TIMELESS: variants seen among roughly 807,000 people sequenced by gnomAD.
TIMELESS encodes protein timeless homolog.
A neutral mutation model predicts 164.3 loss-of-function variants in TIMELESS; 124 were observed. The observed-to-expected ratio is 0.75, with a 90% CI of 0.65 to 0.88. TIMELESS has a LOEUF of 0.88. Among genes scored for constraint, TIMELESS ranks in the 40% least tolerant of loss-of-function variants. The pLI, the probability that TIMELESS is intolerant of heterozygous loss-of-function variation, is 0.00. For synonymous variants in TIMELESS, 564 were observed against 563.4 expected (o/e 1.00, Z -0.02); for missense variants, 1,422 against 1,491.4 (o/e 0.95, Z 0.77).
chr12:56,436,045 A>G (rs1207024195), intron 1 of TIMELESS, among the ~76,000 whole-genome samples: 1 of 152,180 alleles, frequency 6.6e-6, no homozygotes, highest in African/African-American at 2.4e-5. Context: ...GTCCTTTAAA[A>G]TCCATAATCA....
chr12:56,426,713 C>A (rs567564824), intron 13 of TIMELESS, among the ~76,000 whole-genome samples: 2 of 152,190 alleles, frequency 1.3e-5, no homozygotes, highest in South Asian at 2.1e-4. Context: ...GTGCGCATGA[C>A]CATGCCTGGC....
At chr12:56,426,817 C>A (rs890676408) in intron 13 of TIMELESS, among the ~76,000 whole-genome samples, 23 of 152,186 alleles carry the variant, frequency 1.5e-4, no homozygotes, top group African/African-American at 5.5e-4. Context: ...GCCTCAGCCT[C>A]CCAAAGTGCT....
chr12:56,422,249 A>G, intron 19 of TIMELESS, 58 bp from the exon 20 acceptor site: 1 of 1,478,794 alleles, frequency 6.8e-7, no homozygotes, highest in Non-Finnish European at 9.4e-7. Context: ...AGAGGAGACC[A>G]AAGGCCTTCT....
intron 1 of TIMELESS, among the ~76,000 whole-genome samples, chr12:56,440,468 A>G (rs1183933217): frequency 6.6e-6 from 1 of 152,030 alleles, no homozygotes; most frequent in East Asian, 1.9e-4. Flanking sequence ...ACGAAACAAA[A>G]CACTCTACCT....
In TIMELESS at chr12:56,434,871, G is replaced by A. The variant is rs985498144; in HGVS notation, c.-61-640C>T. 2.6e-5 allele frequency among the ~76,000 whole-genome samples: 4 copies of A among 152,168 alleles called. 1 individual carries two copies. The highest frequency in any genetic ancestry group is 4.1e-4 in the South Asian group (2 of 4,828). ...TCAAGATTAGCCTGGGCAACATTGTGAGACCCCATCTGTACAAAAAGCCAA... is the reference window on the plus strand; with the variant it reads ...TCAAGATTAGCCTGGGCAACATTGTAAGACCCCATCTGTACAAAAAGCCAA... On this transcript the variant is annotated intron_variant, in intron 1 of 28. Coordinates refer to ENST00000553532, the MANE Select transcript of TIMELESS (RefSeq NM_003920.5).
Position 56,423,580 on chromosome 12 carries a change from G to A in TIMELESS, c.2090+4C>T, listed in dbSNP as rs1392933006. ...AGGACCAACTCAGGCCTCTCAGCCC[G>A]CACCGTTTCAGGTAGTCCAGAAAAT... On this transcript the variant is annotated splice_donor_region_variant and intron_variant, in intron 17 of 28. Transcript: ENST00000553532. 5.6e-6 allele frequency: 9 copies of A among 1,613,816 alleles called. No individual in the cohort carries two copies. The highest frequency in any genetic ancestry group is 5.3e-5 in the African/African-American group (4 of 74,894).
At chr12:56,427,458 A>G (rs1372567495) in intron 13 of TIMELESS, among the ~76,000 whole-genome samples, 4 of 152,196 alleles carry the variant, frequency 2.6e-5, no homozygotes, top group South Asian at 2.1e-4. Flanking sequence ...CTTTGGGTTC[A>G]TGGACAACTG....
intron 15 of TIMELESS, among the ~76,000 whole-genome samples, chr12:56,424,546 C>T (rs563868021): frequency 7.9e-5 from 12 of 152,154 alleles, no homozygotes; most frequent in Admixed American, 7.9e-4. Context: ...TGAGGATTTG[C>T]TTTCTTTATT....
chr12:56,439,712 TA>T (rs1868250636), intron 1 of TIMELESS, among the ~76,000 whole-genome samples: 1 of 152,152 alleles, frequency 6.6e-6, no homozygotes, highest in Non-Finnish European at 1.5e-5. Flanking sequence ...TTGTACACTT[TA>T]AAAGGGTGAA....
At chr12:56,445,938 C>T (rs952627476) in intron 1 of TIMELESS, among the ~76,000 whole-genome samples, 1 of 152,118 alleles carries the variant, frequency 6.6e-6, no homozygotes, top group Non-Finnish European at 1.5e-5. Flanking sequence ...GAGGGTCTCA[C>T]TTTGTCACCC....
chr12:56,417,080 G>A lies in TIMELESS; in HGVS notation c.*636C>T, dbSNP rs1354025970. 2 of 152,650 alleles carry A rather than the reference G, an allele frequency of 1.3e-5. No individual in the cohort carries two copies. The highest frequency in any genetic ancestry group is 2.4e-5 in the African/African-American group (1 of 41,420). The allele number at this position is 152,650 out of a possible 1,614,324, so 9.5% of individuals were successfully genotyped here. A position where few individuals can be genotyped will look rare whatever the true frequency, so the allele number is the denominator to read the frequency against. On this transcript the variant is annotated 3_prime_UTR_variant, in exon 29 of 29. Coordinates refer to ENST00000553532, the MANE Select transcript of TIMELESS (RefSeq NM_003920.5). The stretch of plus-strand genomic sequence containing the variant: ...TTCTTCTTTCAAGAGCACAGCAGGG[G>A]AAGGGCTGGGGAACTTAGACATATC...
intron 26 of TIMELESS, 50 bp downstream of exon 26, chr12:56,420,519 T>C: frequency 1.4e-6 from 2 of 1,480,788 alleles, no homozygotes; most frequent in South Asian, 1.1e-5. Flanking sequence ...GAGATGTATT[T>C]GGAAATAGGA....
At chr12:56,428,776 G>T (rs541175090) in intron 11 of TIMELESS, 107 bp downstream of exon 11, 68 of 1,473,664 alleles carry the variant, frequency 4.6e-5, no homozygotes, top group Non-Finnish European at 6.2e-5. Context: ...GCCAGTCCTT[G>T]CTCCCCAGAC....
intron 26 of TIMELESS, among the ~76,000 whole-genome samples, chr12:56,419,032 C>G (rs915780300): frequency 1.8e-4 from 26 of 145,284 alleles, no homozygotes; most frequent in Non-Finnish European, 3.0e-4. Context: ...CAGAGTCTCA[C>G]TCTGTTGCCC....
rs769688037 is a variant in TIMELESS, at chr12:56,423,695, G to C, written c.1979C>G (p.Pro660Arg). The C allele has an allele frequency of 1.2e-6, 2 of 1,613,916 alleles. No individual in the cohort carries two copies. The highest frequency in any genetic ancestry group is 3.3e-5 in the Admixed American group (2 of 59,980). The stretch of plus-strand genomic sequence containing the variant: ...TTCTTCCTCTGCCCCACGTTCCTCT[G>C]GGCCCTGCTGCCCTATAGACAGAGG... The part of the protein sequence containing the change: ...LSAPLPRQQG[P>R]EERGAEEEEE... Residue 660 changes from proline (P) to arginine (R), a missense_variant, in exon 17 of 29, where the codon CCA becomes CGA. By Grantham distance (103) the Pro-to-Arg change is moderately radical. Coordinates refer to ENST00000553532, the MANE Select transcript of TIMELESS (RefSeq NM_003920.5).
intron 9 of TIMELESS, 120 bp downstream of exon 9, chr12:56,430,761 C>G: frequency 1.6e-6 from 1 of 612,848 alleles, no homozygotes; most frequent in Non-Finnish European, 2.8e-6. Context: ...GCCTCAGCCT[C>G]CCAAAGTGCT....
chr12:56,430,086 A>C lies in TIMELESS; in HGVS notation c.1086+19T>G. The C allele has an allele frequency of 2.5e-6, 4 of 1,594,898 alleles. No individual in the cohort carries two copies. The highest frequency in any genetic ancestry group is 3.4e-6 in the Non-Finnish European group (4 of 1,170,712). On this transcript the variant is annotated intron_variant, in intron 10 of 28. Coordinates refer to ENST00000553532, the MANE Select transcript of TIMELESS (RefSeq NM_003920.5). ...CTATTCCATTCCTGATTATCTCCAT[A>C]TCCTTCACAGGTTCTCACCTTTACT...
chr12:56,427,582 C>T lies in TIMELESS; in HGVS notation c.1578+654G>A, dbSNP rs115291066. On this transcript the variant is annotated intron_variant, in intron 13 of 28. Transcript: ENST00000553532. ...TTTCTAAAGTTCAATTTAAGGCTCT[C>T]TTTGTGTTGCTGTTGAGACAGAGTC... Among the ~76,000 whole-genome samples, 1,309 of 151,928 alleles carry T rather than the reference C, an allele frequency of 8.6e-3. 12 individuals are homozygous for T. The highest frequency in any genetic ancestry group is 0.028 in the African/African-American group (1,155 of 41,456).
At chr12:56,434,874 A>AC (rs1478639287) in intron 1 of TIMELESS, among the ~76,000 whole-genome samples, 2 of 152,094 alleles carry the variant, frequency 1.3e-5, no homozygotes, top group East Asian at 3.9e-4. Flanking sequence ...ACATTGTGAG[A>AC]CCCCATCTGT....
Sources: gnomAD v4.1 joint callset for allele counts (sites outside exome capture counted in the v4.1 genomes callset) on GRCh38, gnomAD v4.1.1 for gene constraint, MANE v1.5 for transcripts, NCBI Gene and HGNC (gene_info 2026-07-23, HGNC 2026-07-21) for gene names.